Variants in CTNND2 observed in about 807,000 individuals in gnomAD.
The protein encoded by CTNND2 is catenin delta-2.
Under a neutral mutation model 144.4 loss-of-function variants are expected in CTNND2, and 22 were observed. The ratio of observed to expected loss-of-function variants is 0.15; its 90% CI spans 0.11 to 0.22. The LOEUF (loss-of-function observed/expected upper bound fraction) is 0.22. Ranked by LOEUF, CTNND2 falls within the 10% of genes least tolerant of loss-of-function variation. The pLI is 1.00. For missense variants in CTNND2, 1,353 were observed against 1,618.8 expected (o/e 0.84, Z 2.82); for synonymous variants, 751 against 695.6 (o/e 1.08, Z -1.25).
chr5:11,582,348 C>T (rs1299700427), intron 2 of CTNND2, among the ~76,000 whole-genome samples: 2 of 152,154 alleles, frequency 1.3e-5, no homozygotes, highest in African/African-American at 4.8e-5. Context: ...CAGAGTGGGA[C>T]CTGATTCTAT....
At chr5:11,148,321 G>A (rs547388870) in intron 12 of CTNND2, among the ~76,000 whole-genome samples, 1 of 152,224 alleles carries the variant, frequency 6.6e-6, no homozygotes, top group South Asian at 2.1e-4. Context: ...TTGATGTTAT[G>A]TAAATTTATT....
At chr5:11,265,867 A>G (rs889083761) in intron 9 of CTNND2, among the ~76,000 whole-genome samples, 3 of 151,856 alleles carry the variant, frequency 2.0e-5, no homozygotes, top group African/African-American at 7.3e-5. Flanking sequence ...TCGCACCACC[A>G]TGCTCAGGTA....
intron 17 of CTNND2, among the ~76,000 whole-genome samples, chr5:11,018,534 AG>A (rs1169836953): frequency 6.6e-6 from 1 of 152,186 alleles, no homozygotes; most frequent in African/African-American, 2.4e-5. Flanking sequence ...GTGAATGCAA[AG>A]GAAAAGTTCT....
intron 3 of CTNND2, among the ~76,000 whole-genome samples, chr5:11,479,808 A>C (rs1308911375): frequency 6.6e-6 from 1 of 151,536 alleles, no homozygotes; most frequent in Non-Finnish European, 1.5e-5. Context: ...TCTTCTTTTG[A>C]AAAGTGTCCA....
chr5:11,738,960 G>A (rs56763715), intron 1 of CTNND2, among the ~76,000 whole-genome samples: 1 of 151,980 alleles, frequency 6.6e-6, no homozygotes, highest in East Asian at 1.9e-4. Context: ...TTTCCAAACT[G>A]CAAGTATGCT....
chr5:11,068,773 C>G (rs1962797), intron 16 of CTNND2, among the ~76,000 whole-genome samples: 28,963 of 152,020 alleles, frequency 0.19, 3,336 homozygotes, highest in Middle Eastern at 0.29. Flanking sequence ...ACAAATTATC[C>G]GGGCGTGGTG....
intron 6 of CTNND2, among the ~76,000 whole-genome samples, chr5:11,387,163 T>C (rs1253133382): frequency 1.3e-5 from 2 of 151,586 alleles, no homozygotes; most frequent in Non-Finnish European, 2.9e-5. Flanking sequence ...GTGATTTCAC[T>C]GTGCAACCAA....
chr5:11,411,611 C>T lies in CTNND2; in HGVS notation c.364G>A (p.Glu122Lys), dbSNP rs911385133. The change falls in exon 5 of 22, where the codon GAG becomes AAG. Residue 122 changes from glutamate to lysine, a missense_variant. By Grantham distance (56) the Glu-to-Lys change is moderately conservative (BLOSUM62 1). This residue lies in a region of CTNND2 where 708 missense variants were observed against 706.4 expected (regional missense o/e 1.00). Coordinates refer to ENST00000304623, the MANE Select transcript of CTNND2 (RefSeq NM_001332.4). ...DIEDELTTGLELVDSCIRSLQ... is the reference protein window; with the variant it reads ...DIEDELTTGLKLVDSCIRSLQ... ...GACCTAATACAGGAGTCCACCAGCTCGAGACCTGTTGTAAGCTCATCTTCG... is the reference window on the plus strand; with the variant it reads ...GACCTAATACAGGAGTCCACCAGCTTGAGACCTGTTGTAAGCTCATCTTCG... 16 of 1,612,586 alleles carry T rather than the reference C, an allele frequency of 9.9e-6. No individual in the cohort carries two copies. The highest frequency in any genetic ancestry group is 1.7e-5 in the Admixed American group (1 of 59,910).
chr5:11,066,558 C>A (rs11737996), intron 16 of CTNND2, among the ~76,000 whole-genome samples: 11,011 of 150,042 alleles, frequency 0.073, 527 homozygotes, highest in Non-Finnish European at 0.1. Context: ...ATGTCTCATG[C>A]CTCTCTAAAC....
In CTNND2 at chr5:11,903,434, CA is replaced by C; in HGVS notation, c.37+382del. ...ACTGGAGGGAAGTCCTCCCCACCCC[CA>C]CCCCGTCTCCTCCCGTATATTAGGG... On this transcript the variant is annotated intron_variant, in intron 1 of 21. Transcript: ENST00000304623. The surrounding 1 kb of genome is among the most constrained non-coding windows in gnomAD (Gnocchi z 5.4). 1.0e-6 allele frequency: 1 copy of C among 977,736 alleles called. No individual in the cohort carries two copies. Among genetic ancestry groups the C allele is most frequent in the African/African-American group, 1.7e-5 (1 of 57,954 alleles). The allele number at this position is 977,736 out of a possible 1,614,324, so 60.6% of individuals were successfully genotyped here. A position where few individuals can be genotyped will look rare whatever the true frequency, so the allele number is the denominator to read the frequency against.
In CTNND2 at chr5:11,181,954, G is replaced by A. The variant is rs569481443; in HGVS notation, c.1975+17494C>T. On this transcript the variant is annotated intron_variant, in intron 11 of 21. Transcript: ENST00000304623. ...GTGTGGTGTGTGTGTGGGGGGGTGC[G>A]TGGTATCTGTGTAGTATGTGTGTGG... is the stretch of plus-strand genomic sequence containing the variant. Among the ~76,000 whole-genome samples, 1,206 of 141,136 alleles carry A rather than the reference G, an allele frequency of 8.5e-3. 13 individuals carry two copies. Among genetic ancestry groups the A allele is most frequent in the African/African-American group, 0.03 (1,142 of 37,734 alleles). 92.6% of individuals were successfully genotyped at this position (141,136 alleles called of 152,430 possible).
intron 1 of CTNND2, among the ~76,000 whole-genome samples, chr5:11,841,985 A>G (rs1157299792): frequency 6.6e-6 from 1 of 152,014 alleles, no homozygotes; most frequent in Non-Finnish European, 1.5e-5. Context: ...TCTGGTAAAT[A>G]TTGCAATGCA....
Position 11,077,926 on chromosome 5 carries a change from T to A in CTNND2, c.2788+4770A>T, listed in dbSNP as rs568666647. On this transcript the variant is annotated intron_variant, in intron 16 of 21. Coordinates refer to ENST00000304623, the MANE Select transcript of CTNND2 (RefSeq NM_001332.4). The stretch of plus-strand genomic sequence containing the variant: ...TGTCTGTCCCAGGTCTCTGCAAGAA[T>A]AACTGGTCATTTTCTGGGGGAATAC... Among the ~76,000 whole-genome samples the A allele has an allele frequency of 2.6e-4, 39 of 150,230 alleles. 1 individual carries two copies. The highest frequency in any genetic ancestry group is 3.4e-3 in the Middle Eastern group (1 of 292).
intron 9 of CTNND2, among the ~76,000 whole-genome samples, chr5:11,239,310 CAGGA>C: frequency 6.6e-6 from 1 of 152,246 alleles, no homozygotes. Context: ...CAAACTCAGA[CAGGA>C]AGGATGGACA....
intron 12 of CTNND2, among the ~76,000 whole-genome samples, chr5:11,146,701 C>T (rs544015620): frequency 4.0e-5 from 6 of 151,880 alleles, no homozygotes; most frequent in Non-Finnish European, 8.8e-5. Flanking sequence ...TCATAAAAAC[C>T]AAGGGCAACA....
intron 5 of CTNND2, among the ~76,000 whole-genome samples, chr5:11,410,999 A>G (rs1261583828): frequency 1.3e-5 from 2 of 151,748 alleles, no homozygotes; most frequent in African/African-American, 4.8e-5. Context: ...AGCCTCTTGA[A>G]TAGCTGGGAC....
intron 12 of CTNND2, among the ~76,000 whole-genome samples, chr5:11,155,757 C>T (rs1038768699): frequency 6.6e-6 from 1 of 152,134 alleles, no homozygotes; most frequent in Non-Finnish European, 1.5e-5. Flanking sequence ...CAGTGACAGA[C>T]AGATACTCCA....
intron 9 of CTNND2, among the ~76,000 whole-genome samples, chr5:11,242,519 GAC>G (rs1438453696): frequency 4.6e-5 from 7 of 152,298 alleles, no homozygotes; most frequent in African/African-American, 1.4e-4. Context: ...AAAGCCTGAA[GAC>G]AGTTTTGGAT....
At chr5:11,366,012 T>C (rs1452594369) in intron 7 of CTNND2, among the ~76,000 whole-genome samples, 3 of 152,172 alleles carry the variant, frequency 2.0e-5, no homozygotes, top group Non-Finnish European at 2.9e-5. Flanking sequence ...CTGGCAACTG[T>C]CTTTCAGCAG....
Sources: allele counts gnomAD v4.1 joint callset (sites outside exome capture counted in the v4.1 genomes callset), GRCh38; gene constraint gnomAD v4.1.1; regional missense constraint gnomAD v4.1.1; non-coding constraint Gnocchi (gnomAD v3.1); transcripts MANE v1.5; gene names NCBI Gene and HGNC (gene_info 2026-07-23, HGNC 2026-07-21).